The following MSANTD7 variants were observed in gnomAD, a reference collection of about 807,000 sequenced individuals.
MSANTD7 encodes the protein Myb/SANT DNA binding domain containing 7, also known as zinc finger and SCAN domain containing 29.
At chr10:14,839,993 TCCC>T in the MSANTD7 span, 1 of 1,599,236 alleles carries the variant, frequency 6.3e-7, no homozygotes, top group South Asian at 1.1e-5. Flanking sequence ...GAGGTACTAG[TCCC>T]CCCATTTTTG....
the MSANTD7 span, chr10:14,846,209 GAT>G: frequency 2.5e-5 from 25 of 985,216 alleles, no homozygotes; most frequent in African/African-American, 5.2e-5. Flanking sequence ...TATATGGAAA[GAT>G]ATGTGTCAAT....
chr10:14,842,968 C>G, the MSANTD7 span: 1 of 788,398 alleles, frequency 1.3e-6, no homozygotes, highest in East Asian at 2.7e-5. The surrounding 1 kb of genome is among the most constrained non-coding windows in gnomAD (Gnocchi z 5.2). Flanking sequence ...TTCTGCCCCA[C>G]GCACCTTTTC....
At chr10:14,842,017 A>G in the MSANTD7 span, 16 of 676,582 alleles carry the variant, frequency 2.4e-5, no homozygotes, top group East Asian at 3.6e-5. This position sits in a 1 kb window ranked among gnomAD's most constrained non-coding sequence, Gnocchi z 5.2. Context: ...AAGTTGGGCT[A>G]TCTCAGTCTT....
At chr10:14,842,724 C>G in the MSANTD7 span, 1 of 1,536,520 alleles carries the variant, frequency 6.5e-7, no homozygotes, top group East Asian at 2.4e-5. The surrounding 1 kb of genome is among the most constrained non-coding windows in gnomAD (Gnocchi z 5.2). Flanking sequence ...ACTCAGGCAG[C>G]TGATCATCAG....
chr10:14,842,127 C>T, the MSANTD7 span: 10 of 1,530,716 alleles, frequency 6.5e-6, no homozygotes, highest in Admixed American at 2.0e-4. The surrounding 1 kb of genome is among the most constrained non-coding windows in gnomAD (Gnocchi z 5.2). Flanking sequence ...CCCCTGTGGC[C>T]TTCCAGCCAG....
At chr10:14,842,299 T>C in the MSANTD7 span, 1 of 1,535,852 alleles carries the variant, frequency 6.5e-7, no homozygotes, top group Non-Finnish European at 8.7e-7. The surrounding 1 kb of genome is among the most constrained non-coding windows in gnomAD (Gnocchi z 5.2). Context: ...CCAGTGCCAA[T>C]AGCAGTGCGG....
At chr10:14,840,177 T>C in the MSANTD7 span, 2 of 1,181,798 alleles carry the variant, frequency 1.7e-6, no homozygotes, top group East Asian at 5.0e-5. Context: ...CAAATGATAC[T>C]TTTAAATATG....
chr10:14,842,899 C>A, the MSANTD7 span: 2 of 1,245,662 alleles, frequency 1.6e-6, no homozygotes, highest in Admixed American at 2.5e-5. This position sits in a 1 kb window ranked among gnomAD's most constrained non-coding sequence, Gnocchi z 5.2. Flanking sequence ...TGGCTCTAAA[C>A]ATTTAGCTGT....
the MSANTD7 span, chr10:14,840,031 C>T: frequency 1.4e-6 from 2 of 1,441,212 alleles, no homozygotes; most frequent in Non-Finnish European, 9.6e-7. Context: ...TTTAAAATTA[C>T]ATACATTGTA....
At chr10:14,846,095 T>A in the MSANTD7 span, 1 of 983,530 alleles carries the variant, frequency 1.0e-6, no homozygotes, top group Non-Finnish European at 1.2e-6. Flanking sequence ...CTCATGAACT[T>A]CTAAGTGCCA....
chr10:14,846,539 C>T, the MSANTD7 span: 6 of 985,174 alleles, frequency 6.1e-6, no homozygotes, highest in African/African-American at 1.0e-4. Context: ...GAAAGCAAGC[C>T]AGGAATCTGC....
chr10:14,840,166 T>C, the MSANTD7 span: 1 of 1,310,194 alleles, frequency 7.6e-7, no homozygotes, highest in Non-Finnish European at 1.0e-6. Context: ...AGGTATGGAA[T>C]CAAATGATAC....
chr10:14,846,848 T>C, the MSANTD7 span: 17 of 985,396 alleles, frequency 1.7e-5, no homozygotes, highest in African/African-American at 3.0e-4. Context: ...AAGATGGCAT[T>C]GCTAATAAAG....
the MSANTD7 span, chr10:14,840,013 T>A: frequency 6.5e-7 from 1 of 1,543,758 alleles, no homozygotes; most frequent in Non-Finnish European, 8.9e-7. Flanking sequence ...TTTGTACTTC[T>A]GAAATAATTT....
At chr10:14,841,572 A>G in the MSANTD7 span, among the ~76,000 whole-genome samples, 1 of 152,206 alleles carries the variant, frequency 6.6e-6, no homozygotes, top group Non-Finnish European at 1.5e-5. Flanking sequence ...GAACATTTCC[A>G]TAGATCTCTC....
the MSANTD7 span, chr10:14,842,686 G>C: frequency 6.5e-7 from 1 of 1,536,332 alleles, no homozygotes; most frequent in Middle Eastern, 1.7e-4. The surrounding 1 kb of genome is among the most constrained non-coding windows in gnomAD (Gnocchi z 5.2). Context: ...CAGGGGAAGA[G>C]GGAACCGGCA....
the MSANTD7 span, chr10:14,838,501 C>A: frequency 3.9e-6 from 6 of 1,548,760 alleles, no homozygotes; most frequent in East Asian, 2.3e-5. Flanking sequence ...ATGACGGCCA[C>A]CCGGTTTTCT....
chr10:14,838,335 T>A, the MSANTD7 span: 1 of 1,485,468 alleles, frequency 6.7e-7, no homozygotes, highest in South Asian at 1.2e-5. Flanking sequence ...GATGGGGCCG[T>A]TGGGCGGCCG....
At chr10:14,838,938 C>G in the MSANTD7 span, among the ~76,000 whole-genome samples, 1 of 152,140 alleles carries the variant, frequency 6.6e-6, no homozygotes. Context: ...AAAGTTGTGG[C>G]CGCGAGGTAC....
Sources: allele counts gnomAD v4.1 joint callset (sites outside exome capture counted in the v4.1 genomes callset), GRCh38; gene constraint gnomAD v4.1.1; non-coding constraint Gnocchi (gnomAD v3.1); transcripts MANE v1.5; gene names NCBI Gene and HGNC (gene_info 2026-07-23, HGNC 2026-07-21).